Variants in CCDC122 observed in about 807,000 individuals in gnomAD.
The protein encoded by CCDC122 is coiled-coil domain containing 122.
CCDC122 carries 38 observed loss-of-function variants against 37.0 expected under a neutral mutation model. That is an observed-to-expected ratio of 1.03 (90% confidence interval 0.79 to 1.35). CCDC122 has a LOEUF of 1.35. CCDC122 is among the 40% of genes most tolerant of loss of function. The pLI, the probability that CCDC122 is intolerant of heterozygous loss-of-function variation, is 0.00. For synonymous variants in CCDC122, 83 were observed against 95.6 expected (o/e 0.87, Z 0.77); for missense variants, 305 against 310.0 (o/e 0.98, Z 0.12).
downstream of CCDC122, among the ~76,000 whole-genome samples, chr13:43,834,973 G>A (rs1403433815): frequency 4.6e-5 from 7 of 152,154 alleles, no homozygotes; most frequent in Non-Finnish European, 1.0e-4. Context: ...TATACCCAAA[G>A]GATTATAAAA....
At chr13:43,847,413 GA>G (rs1225945036) in intron 6 of CCDC122, among the ~76,000 whole-genome samples, 1 of 152,012 alleles carries the variant, frequency 6.6e-6, no homozygotes, top group Non-Finnish European at 1.5e-5. Flanking sequence ...TTTTTAAGGA[GA>G]ATGTATTCCT....
intron 6 of CCDC122, chr13:43,848,735 T>A: frequency 7.1e-6 from 4 of 565,476 alleles, no homozygotes; most frequent in Non-Finnish European, 9.0e-6. Flanking sequence ...TTTATTTTTA[T>A]GAACCAAAAA....
At chr13:43,855,804 A>G (rs2153874455) in intron 6 of CCDC122, 1 of 152,294 alleles carries the variant, frequency 6.6e-6, no homozygotes, top group East Asian at 1.9e-4. Context: ...CAGTGTGGCA[A>G]TTCCTCAGAC....
chr13:43,851,986 T>C (rs190449983), intron 6 of CCDC122, among the ~76,000 whole-genome samples: 2 of 150,880 alleles, frequency 1.3e-5, no homozygotes, highest in African/African-American at 2.4e-5. Context: ...GCAGCTCAGA[T>C]TGAAGCATAA....
At chr13:43,845,627 G>A (rs192579261) in intron 6 of CCDC122, among the ~76,000 whole-genome samples, 2 of 152,328 alleles carry the variant, frequency 1.3e-5, no homozygotes, top group Non-Finnish European at 2.9e-5. Context: ...CAGGAGAATT[G>A]CTGGAGCCCG....
At chr13:43,841,382 A>C (rs1290537635) in intron 6 of CCDC122, among the ~76,000 whole-genome samples, 1 of 152,192 alleles carries the variant, frequency 6.6e-6, no homozygotes, top group African/African-American at 2.4e-5. Flanking sequence ...CAGTTGTTTC[A>C]TGTCCTTAGC....
intron 4 of CCDC122, among the ~76,000 whole-genome samples, chr13:43,862,096 T>C (rs1017930540): frequency 4.6e-5 from 7 of 152,200 alleles, no homozygotes; most frequent in African/African-American, 1.4e-4. Context: ...GAAGAATCTT[T>C]TCAAAACATA....
intron 2 of CCDC122, among the ~76,000 whole-genome samples, chr13:43,871,112 AAGTGGACCTGCAC>A (rs1050797895): frequency 6.6e-6 from 1 of 152,136 alleles, no homozygotes; most frequent in Non-Finnish European, 1.5e-5. Context: ...ACTCATGGAT[AAGTGGACCTGCAC>A]AGTTCAAACC....
intron 3 of CCDC122, among the ~76,000 whole-genome samples, chr13:43,825,923 A>G (rs1315132612): frequency 6.6e-6 from 1 of 152,194 alleles, no homozygotes; most frequent in Non-Finnish European, 1.5e-5. Flanking sequence ...GTACCTCTTG[A>G]ATCTAAAATG....
intron 4 of CCDC122, among the ~76,000 whole-genome samples, chr13:43,861,434 T>A (rs1954103587): frequency 6.6e-6 from 1 of 152,148 alleles, no homozygotes; most frequent in South Asian, 2.1e-4. Flanking sequence ...ATGATCACAC[T>A]CCTATGTTCC....
At chr13:43,845,448 T>C (rs188057825) in intron 6 of CCDC122, among the ~76,000 whole-genome samples, 46 of 152,344 alleles carry the variant, frequency 3.0e-4, no homozygotes, top group African/African-American at 1.1e-3. Context: ...TAGTGGCTCA[T>C]GCCTGTAATC....
At chr13:43,841,907 G>C (rs1237198951) in intron 6 of CCDC122, among the ~76,000 whole-genome samples, 5 of 152,082 alleles carry the variant, frequency 3.3e-5, no homozygotes, top group Non-Finnish European at 7.4e-5. Flanking sequence ...AGATCTTACT[G>C]TATTACCCAG....
At chr13:43,847,249 T>G (rs934999791) in intron 6 of CCDC122, among the ~76,000 whole-genome samples, 3 of 152,208 alleles carry the variant, frequency 2.0e-5, no homozygotes, top group African/African-American at 7.2e-5. Flanking sequence ...TACATTTACA[T>G]AATATTCTTC....
At chr13:43,878,044 A>G (rs983573004) in intron 1 of CCDC122, 1 of 152,234 alleles carries the variant, frequency 6.6e-6, no homozygotes, top group Non-Finnish European at 1.5e-5. Flanking sequence ...ATGCAAATAC[A>G]ATATAACAAA....
intron 6 of CCDC122, among the ~76,000 whole-genome samples, chr13:43,852,890 C>A (rs578180327): frequency 1.8e-4 from 28 of 152,024 alleles, no homozygotes; most frequent in Non-Finnish European, 3.4e-4. Context: ...CCAAACTAAG[C>A]TTTATAAGCG....
downstream of CCDC122, among the ~76,000 whole-genome samples, chr13:43,832,769 A>C (rs1953102141): frequency 6.6e-6 from 1 of 152,154 alleles, no homozygotes; most frequent in South Asian, 2.1e-4. Flanking sequence ...TTTGATTTCA[A>C]CCTTGCCCCT....
intron 3 of CCDC122, among the ~76,000 whole-genome samples, chr13:43,824,225 A>T (rs1953018509): frequency 6.6e-6 from 1 of 152,228 alleles, no homozygotes. Flanking sequence ...GACCTCTTCT[A>T]TAAGCAACTA....
At chr13:43,851,960 A>G (rs946839257) in intron 6 of CCDC122, among the ~76,000 whole-genome samples, 3 of 152,126 alleles carry the variant, frequency 2.0e-5, no homozygotes, top group Admixed American at 1.3e-4. Flanking sequence ...AAGAAAAAAA[A>G]AACATCCAAA....
chr13:43,863,932 A>G (rs538375733), intron 4 of CCDC122, among the ~76,000 whole-genome samples: 4 of 152,330 alleles, frequency 2.6e-5, no homozygotes, highest in Admixed American at 6.5e-5. Flanking sequence ...CCCAACATCA[A>G]TAAGTTTTTC....
Sources: allele counts gnomAD v4.1 joint callset (sites outside exome capture counted in the v4.1 genomes callset), GRCh38; gene constraint gnomAD v4.1.1; transcripts MANE v1.5; gene names NCBI Gene and HGNC (gene_info 2026-07-23, HGNC 2026-07-21).